Variants in NRG3 observed in about 807,000 individuals in gnomAD.
The protein encoded by NRG3 is neuregulin 3.
A neutral mutation model predicts 66.9 loss-of-function variants in NRG3; 31 were observed. The observed-to-expected ratio is 0.46, with a 90% CI of 0.35 to 0.63. The LOEUF is 0.63. Among genes scored for constraint, NRG3 ranks in the 20% least tolerant of loss-of-function variants. NRG3 has a pLI of 0.00. For missense variants in NRG3, 910 were observed against 878.9 expected (o/e 1.04, Z -0.45); for synonymous variants, 393 against 359.4 (o/e 1.09, Z -1.06).
At chr10:82,261,258 G>T (rs748047949) in intron 1 of NRG3, among the ~76,000 whole-genome samples, 16 of 152,044 alleles carry the variant, frequency 1.1e-4, no homozygotes, top group Non-Finnish European at 2.2e-4. Context: ...TTTATAAGGG[G>T]CGCCACCCGC....
rs1485165714 is a variant in NRG3 at position 82,669,919 on chromosome 10, C to T, written c.954-68658C>T. Reference sequence around the variant, plus strand: ...CTCCAGCCTGGGCGACAGAGAGAGACTCTGTCTCAAAAAAAAAAAAAGAAA... The same window carrying T: ...CTCCAGCCTGGGCGACAGAGAGAGATTCTGTCTCAAAAAAAAAAAAAGAAA... On this transcript the variant is annotated intron_variant, in intron 2 of 8. Coordinates refer to ENST00000372141, the MANE Select transcript of NRG3 (RefSeq NM_001010848.4). Among the ~76,000 whole-genome samples the T allele has an allele frequency of 3.3e-5, 5 of 150,488 alleles. No individual in the cohort carries two copies. In the South Asian group the frequency reaches 1.0e-3, roughly 32 times the overall value.
At chr10:81,930,972 T>C (rs1342319339) in intron 1 of NRG3, among the ~76,000 whole-genome samples, 2 of 152,156 alleles carry the variant, frequency 1.3e-5, no homozygotes, top group South Asian at 2.1e-4. Flanking sequence ...AGTGGGAGGC[T>C]ATAAAACAGG....
chr10:81,963,343 C>T (rs751272919), intron 1 of NRG3, among the ~76,000 whole-genome samples: 4 of 150,924 alleles, frequency 2.7e-5, no homozygotes, highest in Non-Finnish European at 5.9e-5. Context: ...CCGTTTTAGC[C>T]GGGATGGTCT....
At chr10:82,451,628 A>G (rs929366011) in intron 2 of NRG3, among the ~76,000 whole-genome samples, 3 of 152,180 alleles carry the variant, frequency 2.0e-5, no homozygotes, top group Non-Finnish European at 4.4e-5. Context: ...GCAAATGTAA[A>G]TAAAATCAAT....
chr10:82,431,387 G>C (rs2089796033), intron 2 of NRG3, among the ~76,000 whole-genome samples: 1 of 152,156 alleles, frequency 6.6e-6, no homozygotes, highest in Admixed American at 6.5e-5. Flanking sequence ...ATGGAACTAA[G>C]GTGAGAGGAA....
At chr10:82,799,405 A>G (rs975549872) in intron 3 of NRG3, among the ~76,000 whole-genome samples, 1 of 151,898 alleles carries the variant, frequency 6.6e-6, no homozygotes, top group Non-Finnish European at 1.5e-5. Context: ...TTGTACCAGT[A>G]ATCCCAGCTA....
At chr10:82,396,645 CTGAA>C (rs1185533177) in intron 2 of NRG3, among the ~76,000 whole-genome samples, 1 of 152,146 alleles carries the variant, frequency 6.6e-6, no homozygotes, top group Non-Finnish European at 1.5e-5. Flanking sequence ...GATTTGTTGA[CTGAA>C]GAGCTAGCAA....
intron 3 of NRG3, among the ~76,000 whole-genome samples, chr10:82,806,911 C>CTAGTTAG (rs2061312037): frequency 6.6e-5 from 10 of 152,164 alleles, no homozygotes; most frequent in Non-Finnish European, 2.9e-5. Flanking sequence ...ACCTGCAAAT[C>CTAGTTAG]ATTTTATTTT....
chr10:82,877,660 A>G (rs1438265685), intron 4 of NRG3, among the ~76,000 whole-genome samples: 1 of 149,206 alleles, frequency 6.7e-6, no homozygotes, highest in Admixed American at 6.8e-5. Flanking sequence ...AAGTGCTGGG[A>G]TTACAGGCAT....
chr10:82,269,802 A>G (rs541236007), intron 1 of NRG3, among the ~76,000 whole-genome samples: 1 of 152,132 alleles, frequency 6.6e-6, no homozygotes, highest in Admixed American at 6.6e-5. Flanking sequence ...TGACAATTTC[A>G]TTTCTAACAA....
At chr10:82,886,360 G>C (rs202030116) in intron 4 of NRG3, among the ~76,000 whole-genome samples, 1 of 152,084 alleles carries the variant, frequency 6.6e-6, no homozygotes, top group Non-Finnish European at 1.5e-5. Context: ...GCAGTACCTC[G>C]CATATACATG....
At chr10:82,769,086 C>A (rs2059620236) in intron 3 of NRG3, among the ~76,000 whole-genome samples, 1 of 152,044 alleles carries the variant, frequency 6.6e-6, no homozygotes, top group South Asian at 2.1e-4. Flanking sequence ...CCAAATTGTA[C>A]TAGATTATTT....
chr10:82,758,423 A>G (rs2059166541), intron 3 of NRG3, among the ~76,000 whole-genome samples: 1 of 152,282 alleles, frequency 6.6e-6, no homozygotes, highest in Admixed American at 6.6e-5. Flanking sequence ...AGGCTTGCAG[A>G]GAGAAAAAGC....
At chr10:82,617,255 T>C (rs1203447802) in intron 2 of NRG3, among the ~76,000 whole-genome samples, 1 of 126,792 alleles carries the variant, frequency 7.9e-6, no homozygotes, top group Non-Finnish European at 1.6e-5. Context: ...CAGACACACA[T>C]ACACATACAC....
chr10:82,796,723 C>T lies in NRG3; in HGVS notation c.1027+58073C>T, dbSNP rs1344437077. 2.0e-5 allele frequency among the ~76,000 whole-genome samples: 3 copies of T among 152,116 alleles called. No homozygotes were observed. The East Asian group carries it at 5.8e-4, about 29-fold the overall frequency. On this transcript the variant is annotated intron_variant, in intron 3 of 8. Coordinates refer to ENST00000372141, the MANE Select transcript of NRG3 (RefSeq NM_001010848.4). ...AGAGCCATAATGCTAGAAAACTATCCTGACCCTTCCTCTTTCCTAAAAGTA... is the reference window on the plus strand; with the variant it reads ...AGAGCCATAATGCTAGAAAACTATCTTGACCCTTCCTCTTTCCTAAAAGTA...
intron 2 of NRG3, among the ~76,000 whole-genome samples, chr10:82,536,406 G>A (rs114513329): frequency 5.2e-4 from 79 of 152,248 alleles, no homozygotes; most frequent in African/African-American, 1.9e-3. Flanking sequence ...TGTTTTACTC[G>A]CATAGAGTTA....
chr10:82,587,060 A>G (rs781342610), intron 2 of NRG3, among the ~76,000 whole-genome samples: 1 of 152,160 alleles, frequency 6.6e-6, no homozygotes, highest in Non-Finnish European at 1.5e-5. Context: ...AGGGTTCACA[A>G]GGTCAAAACT....
At chr10:82,370,575 C>A (rs988408830) in intron 2 of NRG3, among the ~76,000 whole-genome samples, 3 of 104,762 alleles carry the variant, frequency 2.9e-5, no homozygotes, top group African/African-American at 8.6e-5. Context: ...AAAGGTGGGG[C>A]CTTTGCCAGG....
intron 3 of NRG3, among the ~76,000 whole-genome samples, chr10:82,846,444 T>C (rs2063312603): frequency 6.6e-6 from 1 of 152,178 alleles, no homozygotes; most frequent in Non-Finnish European, 1.5e-5. Context: ...TTTAAAAAAA[T>C]GCATTTTTAT....
Sources: allele counts gnomAD v4.1 joint callset (sites outside exome capture counted in the v4.1 genomes callset), GRCh38; gene constraint gnomAD v4.1.1; transcripts MANE v1.5; gene names NCBI Gene and HGNC (gene_info 2026-07-23, HGNC 2026-07-21).